Variants in ARHGEF18 observed in about 807,000 individuals in gnomAD.
The protein encoded by ARHGEF18 is rho guanine nucleotide exchange factor 18.
A neutral mutation model predicts 155.7 loss-of-function variants in ARHGEF18; 93 were observed. The ratio of observed to expected loss-of-function variants is 0.60; its 90% confidence interval spans 0.50 to 0.71. The LOEUF is 0.71. Among genes scored for constraint, ARHGEF18 ranks in the 30% least tolerant of loss-of-function variants. The probability of loss-of-function intolerance (pLI) is 0.00; values close to 1 mark genes in which losing one functional copy is unlikely to be tolerated. For synonymous variants in ARHGEF18, 742 were observed against 753.1 expected (o/e 0.99, Z 0.24); for missense variants, 1,593 against 1,816.1 (o/e 0.88, Z 2.23).
intron 19 of ARHGEF18, 81 bp downstream of exon 19, chr19:7,458,771 C>G: frequency 6.9e-7 from 1 of 1,451,952 alleles, no homozygotes; most frequent in South Asian, 1.4e-5. Flanking sequence ...CGTTGGCCAT[C>G]AGCTGTGACC....
intron 1 of ARHGEF18, among the ~76,000 whole-genome samples, chr19:7,361,585 C>A (rs1969551201): frequency 6.6e-6 from 1 of 152,182 alleles, no homozygotes; most frequent in South Asian, 2.1e-4. Flanking sequence ...TTGTTCATGG[C>A]AGCGTGATTT....
rs1600562562 is a variant in ARHGEF18, at chr19:7,470,217, G to A, written c.4005G>A (p.Gly1335=). The change falls in exon 29 of 29, where the codon GGG becomes GGA. Residue 1335 remains glycine, a synonymous_variant. Coordinates refer to ENST00000668164, the MANE Select transcript of ARHGEF18 (RefSeq NM_001367823.1). This position sits in a 1 kb window ranked among gnomAD's most constrained non-coding sequence, Gnocchi z 5.9. ...CCGGGGGCACAGCCCTCCTGCCCGGGCCCCCAGCTCCCTCGCCACTGCCGG... is the reference window on the plus strand; with the variant it reads ...CCGGGGGCACAGCCCTCCTGCCCGGACCCCCAGCTCCCTCGCCACTGCCGG... ...LKAGGTALLP[G]PPAPSPLPAT... The A allele has an allele frequency of 1.2e-6, 2 of 1,609,490 alleles. No individual in the cohort carries two copies. The highest frequency in any genetic ancestry group is 1.7e-6 in the Non-Finnish European group (2 of 1,178,518).
At chr19:7,419,422 C>T (rs1017317551) in intron 10 of ARHGEF18, among the ~76,000 whole-genome samples, 9 of 150,246 alleles carry the variant, frequency 6.0e-5, no homozygotes, top group Non-Finnish European at 1.3e-4. Flanking sequence ...CCAGATGTAC[C>T]CACACTTAGT....
At chr19:7,434,428 C>T (rs916436246) in intron 10 of ARHGEF18, among the ~76,000 whole-genome samples, 4 of 152,112 alleles carry the variant, frequency 2.6e-5, no homozygotes, top group Admixed American at 6.6e-5. Context: ...TGATTTTCAC[C>T]GTTCACCTCT....
chr19:7,362,736 C>A (rs1342420043), intron 1 of ARHGEF18, 45 bp from the exon 2 acceptor site: 3 of 1,232,384 alleles, frequency 2.4e-6, no homozygotes, highest in Non-Finnish European at 3.0e-6. Context: ...GCTTCCTCAG[C>A]ACTCCCAGCT....
Position 7,470,384 on chromosome 19 carries a change from C to T in ARHGEF18, c.*86C>T. Reference sequence around the variant, plus strand: ...GGGACCCCCATGGGGTCACCATGCCCACCCAGCTGTCCCCTCCTCTTCCCT... The same window carrying T: ...GGGACCCCCATGGGGTCACCATGCCTACCCAGCTGTCCCCTCCTCTTCCCT... On this transcript the variant is annotated 3_prime_UTR_variant, in exon 29 of 29. Coordinates refer to ENST00000668164, the MANE Select transcript of ARHGEF18 (RefSeq NM_001367823.1). The surrounding 1 kb of genome is among the most constrained non-coding windows in gnomAD (Gnocchi z 5.9). The T allele has an allele frequency of 1.6e-6, 2 of 1,243,838 alleles. No individual in the cohort carries two copies. The highest frequency in any genetic ancestry group is 2.1e-6 in the Non-Finnish European group (2 of 970,828). 77.1% of individuals were successfully genotyped at this position (1,243,838 alleles called of 1,614,324 possible).
At chr19:7,478,008 C>A in the ARHGEF18 span, among the ~76,000 whole-genome samples, 1 of 152,202 alleles carries the variant, frequency 6.6e-6, no homozygotes, top group South Asian at 2.1e-4. Flanking sequence ...GGCAACAGAG[C>A]AAGACCCTGT....
intron 2 of ARHGEF18, among the ~76,000 whole-genome samples, chr19:7,365,669 T>A (rs1437725125): frequency 6.6e-6 from 1 of 152,194 alleles, no homozygotes; most frequent in Non-Finnish European, 1.5e-5. Context: ...CTGGCAAATC[T>A]GCCCCCTCTT....
chr19:7,436,813 G>A (rs1288383439), intron 10 of ARHGEF18, among the ~76,000 whole-genome samples: 1 of 152,152 alleles, frequency 6.6e-6, no homozygotes, highest in Admixed American at 6.6e-5. Flanking sequence ...GGACCGTGTC[G>A]CCTTTGGTTT....
At chr19:7,406,828 G>T (rs1458511942) in intron 10 of ARHGEF18, among the ~76,000 whole-genome samples, 1 of 151,860 alleles carries the variant, frequency 6.6e-6, no homozygotes, top group Non-Finnish European at 1.5e-5. Flanking sequence ...GCCGAGGTGG[G>T]CGGATCATGA....
In ARHGEF18 at chr19:7,383,046, C is replaced by T. The variant is rs1970821151; in HGVS notation, c.826-16C>T. ...CCTGCAGAGGGCATCCTGAGACCCA[C>T]CTCTGTCCCATCCAGGGGAAGAGCC... On this transcript the variant is annotated splice_polypyrimidine_tract_variant and intron_variant, in intron 9 of 28. Transcript: ENST00000668164. 5 of 1,232,402 alleles carry T rather than the reference C, an allele frequency of 4.1e-6. No homozygotes were observed. Among genetic ancestry groups the T allele is most frequent in the Non-Finnish European group, 5.1e-6 (5 of 988,172 alleles). 76.3% of individuals were successfully genotyped at this position (1,232,402 alleles called of 1,614,324 possible).
chr19:7,367,622 T>G (rs1225031927), intron 2 of ARHGEF18, among the ~76,000 whole-genome samples: 1 of 150,404 alleles, frequency 6.6e-6, no homozygotes, highest in Non-Finnish European at 1.5e-5. Context: ...GGTGGACACC[T>G]GTAATCCCAG....
At chr19:7,446,538 C>T (rs146093045) in intron 14 of ARHGEF18, among the ~76,000 whole-genome samples, 2,362 of 152,056 alleles carry the variant, frequency 0.016, 72 homozygotes, top group African/African-American at 0.053. Flanking sequence ...GTCAAGAGTT[C>T]GAGACCAGCC....
At chr19:7,469,661 C>T (rs1191558502) in intron 27 of ARHGEF18, among the ~76,000 whole-genome samples, 1 of 152,168 alleles carries the variant, frequency 6.6e-6, no homozygotes, top group Non-Finnish European at 1.5e-5. Flanking sequence ...TGTGCTATTT[C>T]CACAGGAGGC....
rs1974436608 is a variant in ARHGEF18, at chr19:7,438,797, C to T, written c.968-1547C>T. Among the ~76,000 whole-genome samples, 2 of 152,100 alleles carry T rather than the reference C, an allele frequency of 1.3e-5. 1 individual carries two copies. The highest frequency in any genetic ancestry group is 4.1e-4 in the South Asian group (2 of 4,820). ...TTATAAAATGTAAGAGTAAACTAGC[C>T]AAGTAGCCCATCTCAACTATGCTTG... On this transcript the variant is annotated intron_variant, in intron 10 of 28. Transcript: ENST00000668164.
At chr19:7,352,531 C>CTTTTTTTTT (rs35219215) in intron 1 of ARHGEF18, among the ~76,000 whole-genome samples, 3 of 93,190 alleles carry the variant, frequency 3.2e-5, no homozygotes, top group Admixed American at 1.6e-4. Context: ...CCTAGGTTTC[C>CTTTTTTTTT]TTTTTTTTTT....
In ARHGEF18 at chr19:7,467,215, C is replaced by T. The variant is rs971600851; in HGVS notation, c.3011C>T (p.Ala1004Val). The T allele has an allele frequency of 6.3e-6, 10 of 1,583,856 alleles. No individual in the cohort carries two copies. The Admixed American group carries it at 6.9e-5, about 11-fold the overall frequency. The change falls in exon 26 of 29, where the codon GCG (alanine) becomes GTG (valine). Residue 1004 changes from alanine (A) to valine (V), a missense_variant and splice_region_variant. By Grantham distance (64) the Ala-to-Val change is moderately conservative. Coordinates refer to ENST00000668164, the MANE Select transcript of ARHGEF18 (RefSeq NM_001367823.1). ...TCGCCTGGCCCTGGCCCTCCGCAGGCGGTAATCGCCCACCAGGACAGCTAT... is the reference window on the plus strand; with the variant it reads ...TCGCCTGGCCCTGGCCCTCCGCAGGTGGTAATCGCCCACCAGGACAGCTAT... ...TLSQLLLNLQ[A>V]VIAHQDSYVE...
chr19:7,447,216 C>A (rs375510064), intron 15 of ARHGEF18, 48 bp downstream of exon 15: 12 of 1,531,486 alleles, frequency 7.8e-6, no homozygotes, highest in South Asian at 1.2e-5. Context: ...TCTGGCCGGG[C>A]GCAGTGGCTC....
In ARHGEF18 at chr19:7,362,161, A is replaced by G. The variant is rs62111676; in HGVS notation, c.-110-620A>G. ...GGAGAAGGAGAAGGAGAAGGAGGAG[A>G]AGAAGGAGAAGAAGGAGAAGAAGGA... On this transcript the variant is annotated intron_variant, in intron 1 of 28. Coordinates refer to ENST00000668164, the MANE Select transcript of ARHGEF18 (RefSeq NM_001367823.1). Among the ~76,000 whole-genome samples, 151 of 19,898 alleles carry G rather than the reference A, an allele frequency of 7.6e-3. 30 individuals are homozygous for G. The East Asian group carries it at 0.13, about 18-fold the overall frequency. 13.1% of individuals were successfully genotyped at this position (19,898 alleles called of 152,430 possible).
Sources: gnomAD v4.1 joint callset for allele counts (sites outside exome capture counted in the v4.1 genomes callset) on GRCh38, gnomAD v4.1.1 for gene constraint, Gnocchi (gnomAD v3.1) non-coding constraint, MANE v1.5 for transcripts, NCBI Gene and HGNC (gene_info 2026-07-23, HGNC 2026-07-21) for gene names.